Variants in GRIK1 observed in about 807,000 individuals in gnomAD.
GRIK1 encodes the protein glutamate receptor ionotropic, kainate 1.
A neutral mutation model predicts 105.7 loss-of-function variants in GRIK1; 69 were observed. The ratio of observed to expected loss-of-function variants is 0.65; its 90% CI spans 0.54 to 0.80. GRIK1 has a LOEUF of 0.80. GRIK1 is among the 30% of genes least tolerant of loss of function. The pLI, the probability that GRIK1 is intolerant of heterozygous loss-of-function variation, is 0.00. For synonymous variants in GRIK1, 438 were observed against 431.3 expected (o/e 1.02, Z -0.19); for missense variants, 1,109 against 1,167.3 (o/e 0.95, Z 0.73).
At chr21:29,877,750 G>A (rs934257572) in intron 1 of GRIK1, among the ~76,000 whole-genome samples, 4 of 152,128 alleles carry the variant, frequency 2.6e-5, no homozygotes, top group South Asian at 2.1e-4. Flanking sequence ...ATTTTGTGGC[G>A]GTGTCTCAGT....
At chr21:29,727,027 C>T (rs985756506) in intron 1 of GRIK1, among the ~76,000 whole-genome samples, 4 of 152,084 alleles carry the variant, frequency 2.6e-5, no homozygotes, top group Non-Finnish European at 5.9e-5. Context: ...CCTCTTCTTT[C>T]CAGGCTCAAG....
intron 7 of GRIK1, among the ~76,000 whole-genome samples, chr21:29,605,653 C>T (rs187977258): frequency 6.6e-6 from 1 of 152,228 alleles, no homozygotes; most frequent in Admixed American, 6.5e-5. Context: ...GTGTTTTCCA[C>T]AATGGATGAA....
intron 15 of GRIK1, among the ~76,000 whole-genome samples, chr21:29,560,574 T>TCTCTCTCTC (rs2090450222): frequency 2.4e-5 from 3 of 124,182 alleles, no homozygotes; most frequent in African/African-American, 1.2e-4. Flanking sequence ...CTTTCTTTCT[T>TCTCTCTCTC]TCTCTCTTTC....
In GRIK1 at chr21:29,673,018, A is replaced by T. The variant is rs140818677; in HGVS notation, c.691T>A (p.Cys231Ser). ...KGKEFYVIFD[C>S]SHETAAEILK... ...ATTTCAGCGGCTGTTTCATGTGAAC[A>T]ATCAAATATCACATAGAACTCCTTG... is the stretch of plus-strand genomic sequence containing the variant. The change falls in exon 4 of 18, where the codon TGT becomes AGT. Residue 231 changes from cysteine to serine, a missense_variant. Transcript: ENST00000327783. The T allele has an allele frequency of 6.2e-7, 1 of 1,613,414 alleles. No homozygotes were observed. The highest frequency in any genetic ancestry group is 8.5e-7 in the Non-Finnish European group (1 of 1,179,482).
At chr21:29,675,794 G>T (rs144775186) in intron 3 of GRIK1, among the ~76,000 whole-genome samples, 319 of 152,204 alleles carry the variant, frequency 2.1e-3, no homozygotes, top group African/African-American at 7.6e-3. Context: ...CTTGCTCAAG[G>T]TTATATAGCT....
At chr21:29,677,928 C>G (rs1398664487) in intron 3 of GRIK1, among the ~76,000 whole-genome samples, 2 of 152,206 alleles carry the variant, frequency 1.3e-5, no homozygotes, top group Admixed American at 1.3e-4. Context: ...GAGAAATTCT[C>G]TACCTTACAC....
chr21:29,695,514 G>A (rs1202401815), intron 1 of GRIK1, among the ~76,000 whole-genome samples: 1 of 150,670 alleles, frequency 6.6e-6, no homozygotes, highest in African/African-American at 2.4e-5. Context: ...TTGCTCTGTT[G>A]CCCAGGCTGG....
chr21:29,886,652 G>A (rs1002334582), intron 1 of GRIK1, among the ~76,000 whole-genome samples: 2 of 152,078 alleles, frequency 1.3e-5, no homozygotes, highest in Non-Finnish European at 2.9e-5. Context: ...CCAAACACTT[G>A]CTTTTTTGGC....
At chr21:29,813,221 T>C (rs992304069) in intron 1 of GRIK1, among the ~76,000 whole-genome samples, 2 of 152,162 alleles carry the variant, frequency 1.3e-5, no homozygotes, top group Non-Finnish European at 2.9e-5. Flanking sequence ...ACCTGAAGCA[T>C]TGTAAATATT....
At chr21:29,845,064 T>G (rs552843553) in intron 1 of GRIK1, among the ~76,000 whole-genome samples, 2 of 152,312 alleles carry the variant, frequency 1.3e-5, no homozygotes, top group South Asian at 4.1e-4. Context: ...GATATTTTCC[T>G]TATCTTTAAA....
chr21:29,751,599 A>G (rs137933336), intron 1 of GRIK1, among the ~76,000 whole-genome samples: 123 of 152,234 alleles, frequency 8.1e-4, no homozygotes, highest in African/African-American at 2.9e-3. Flanking sequence ...AGAACTTGCA[A>G]TTGCATGCTC....
intron 16 of GRIK1, among the ~76,000 whole-genome samples, chr21:29,549,460 G>A (rs2090094968): frequency 1.3e-5 from 2 of 152,100 alleles, no homozygotes; most frequent in African/African-American, 2.4e-5. Context: ...AAACTGCTAC[G>A]TTCAAGCTAA....
At chr21:29,832,836 C>A (rs2067681573) in intron 1 of GRIK1, among the ~76,000 whole-genome samples, 1 of 152,200 alleles carries the variant, frequency 6.6e-6, no homozygotes, top group Non-Finnish European at 1.5e-5. Flanking sequence ...CGCCTGGATT[C>A]ATTCCCAGAA....
intron 1 of GRIK1, among the ~76,000 whole-genome samples, chr21:29,708,839 A>C (rs2063977384): frequency 6.6e-6 from 1 of 152,200 alleles, no homozygotes; most frequent in Admixed American, 6.5e-5. Flanking sequence ...TATTTGTTAC[A>C]GTAACAGAAT....
At chr21:29,756,177 C>T (rs886779691) in intron 1 of GRIK1, among the ~76,000 whole-genome samples, 14 of 151,984 alleles carry the variant, frequency 9.2e-5, no homozygotes, top group Non-Finnish European at 1.6e-4. Flanking sequence ...GTCAGGAGAT[C>T]GAGTTCAACC....
In GRIK1 at chr21:29,555,199, G is replaced by A. The variant is rs772381951; in HGVS notation, c.2460C>T (p.Pro820=). The stretch of plus-strand genomic sequence containing the variant: ...CACTGGCTTCTTTGTTGTCTTCCTC[G>A]GGGCAGCCATTCCCACGCCACCACT... ...KEKWWRGNGC[P]EEDNKEASAL... The change falls in exon 16 of 18, where the codon CCC becomes CCT. Residue 820 remains proline (P), a synonymous_variant. Coordinates refer to ENST00000327783, the MANE Select transcript of GRIK1 (RefSeq NM_001330994.2). 9 of 1,613,674 alleles carry A rather than the reference G, an allele frequency of 5.6e-6. No homozygotes were observed. Among genetic ancestry groups the A allele is most frequent in the African/African-American group, 5.3e-5 (4 of 74,838 alleles).
At chr21:29,930,247 C>T (rs1486752646) in intron 1 of GRIK1, among the ~76,000 whole-genome samples, 6 of 152,120 alleles carry the variant, frequency 3.9e-5, no homozygotes, top group Non-Finnish European at 7.4e-5. Flanking sequence ...CTCATTAATC[C>T]ATTTTTAGGA....
At chr21:29,747,649 T>C (rs2065080010) in intron 1 of GRIK1, among the ~76,000 whole-genome samples, 1 of 152,072 alleles carries the variant, frequency 6.6e-6, no homozygotes, top group African/African-American at 2.4e-5. Flanking sequence ...GCCAATATGG[T>C]GAAACCCCGT....
chr21:29,925,093 C>T (rs889451332), intron 1 of GRIK1, among the ~76,000 whole-genome samples: 1 of 152,168 alleles, frequency 6.6e-6, no homozygotes, highest in Non-Finnish European at 1.5e-5. Context: ...TACGTGATGC[C>T]TTGTCATAGA....
Sources: gnomAD v4.1 joint callset for allele counts (sites outside exome capture counted in the v4.1 genomes callset) on GRCh38, gnomAD v4.1.1 for gene constraint, MANE v1.5 for transcripts, NCBI Gene and HGNC (gene_info 2026-07-23, HGNC 2026-07-21) for gene names.